Variants in GAREM1 observed in about 807,000 individuals in gnomAD.
The protein encoded by GAREM1 is GRB2-associated and regulator of MAPK protein 1.
Under a neutral mutation model 71.3 loss-of-function variants are expected in GAREM1, and 26 were observed. The observed-to-expected ratio is 0.36, with a 90% confidence interval of 0.27 to 0.51. The LOEUF (loss-of-function observed/expected upper bound fraction) is 0.51, where lower values mean the gene tolerates loss of function less well. GAREM1 is among the 20% of genes least tolerant of loss of function. The probability of loss-of-function intolerance (pLI) is 0.95; values close to 1 mark genes in which losing one functional copy is unlikely to be tolerated. For missense variants in GAREM1, 1,026 were observed against 1,103.1 expected, an observed-to-expected ratio of 0.93 and a Z score of 0.99; for synonymous variants, 440 against 433.2, an observed-to-expected ratio of 1.02 and a Z score of -0.20.
intron 3 of GAREM1, among the ~76,000 whole-genome samples, chr18:32,304,345 AAAAG>A (rs1183292164): frequency 2.6e-5 from 4 of 152,122 alleles, no homozygotes; most frequent in Non-Finnish European, 4.4e-5. Context: ...AAATAAAAGA[AAAAG>A]AAAGAGTAAG....
At chr18:32,311,776 A>AC (rs2047326987) in intron 2 of GAREM1, among the ~76,000 whole-genome samples, 1 of 152,194 alleles carries the variant, frequency 6.6e-6, no homozygotes, top group Non-Finnish European at 1.5e-5. Context: ...AGGTGGTCAG[A>AC]CTGTATATGC....
chr18:32,398,849 G>A (rs969350529), intron 1 of GAREM1, among the ~76,000 whole-genome samples: 1 of 152,106 alleles, frequency 6.6e-6, no homozygotes, highest in African/African-American at 2.4e-5. Flanking sequence ...CCAAAGCCTG[G>A]CAGAGACACA....
At chr18:32,361,923 AGT>A (rs1202876800) in intron 2 of GAREM1, among the ~76,000 whole-genome samples, 1 of 152,162 alleles carries the variant, frequency 6.6e-6, no homozygotes, top group Non-Finnish European at 1.5e-5. Context: ...TCTTTACATG[AGT>A]GTGTATTTCC....
chr18:32,299,906 A>G (rs1449151144), intron 3 of GAREM1, among the ~76,000 whole-genome samples: 1 of 152,206 alleles, frequency 6.6e-6, no homozygotes, highest in Non-Finnish European at 1.5e-5. Context: ...AAGTTTTAAA[A>G]AATTTATATT....
intron 1 of GAREM1, among the ~76,000 whole-genome samples, chr18:32,428,387 G>A (rs192244136): frequency 6.6e-6 from 1 of 152,106 alleles, no homozygotes; most frequent in East Asian, 1.9e-4. Context: ...GGGCCTGGTG[G>A]GAGGTGACTG....
chr18:32,270,173 G>A (rs1245647766), intron 5 of GAREM1, 44 bp downstream of exon 5: 1 of 1,596,848 alleles, frequency 6.3e-7, no homozygotes, highest in Non-Finnish European at 8.6e-7. Context: ...TGAACTGGTG[G>A]ATGAGAAGAT....
Position 32,470,238 on chromosome 18 carries a change from C to A in GAREM1, c.121+70G>T. On this transcript the variant is annotated intron_variant, in intron 1 of 5. Coordinates refer to ENST00000269209, the MANE Select transcript of GAREM1 (RefSeq NM_001242409.2). The surrounding 1 kb of genome is among the most constrained non-coding windows in gnomAD (Gnocchi z 4.4). Reference sequence around the variant, plus strand: ...TCCCCGCGGGTCCCACCCTCTCCAGCACACGCGCGCACACCCGCGTGGAGA... The same window carrying A: ...TCCCCGCGGGTCCCACCCTCTCCAGAACACGCGCGCACACCCGCGTGGAGA... The A allele has an allele frequency of 7.3e-7, 1 of 1,363,874 alleles. No homozygotes were observed. Among genetic ancestry groups the A allele is most frequent in the South Asian group, 1.7e-5 (1 of 60,590 alleles). The allele number at this position is 1,363,874 out of a possible 1,614,324, so 84.5% of individuals were successfully genotyped here.
chr18:32,394,063 A>G (rs1331422793), intron 1 of GAREM1, among the ~76,000 whole-genome samples: 1 of 152,206 alleles, frequency 6.6e-6, no homozygotes, highest in Non-Finnish European at 1.5e-5. Context: ...CAACTTGGCT[A>G]TCCCAACCTA....
At chr18:32,456,069 C>CA (rs1307524786) in intron 1 of GAREM1, among the ~76,000 whole-genome samples, 1 of 152,088 alleles carries the variant, frequency 6.6e-6, no homozygotes, top group Non-Finnish European at 1.5e-5. Context: ...ACTACATGTA[C>CA]AATCTAGGTG....
chr18:32,323,221 G>A (rs2047446414), intron 2 of GAREM1, among the ~76,000 whole-genome samples: 1 of 152,140 alleles, frequency 6.6e-6, no homozygotes, highest in Admixed American at 6.5e-5. Context: ...AAGAGAGTCG[G>A]GCATAGGTGT....
At chr18:32,366,608 C>A (rs934924048) in intron 2 of GAREM1, among the ~76,000 whole-genome samples, 18 of 152,198 alleles carry the variant, frequency 1.2e-4, no homozygotes, top group African/African-American at 4.3e-4. Flanking sequence ...TGCAACAATG[C>A]ACTTTTAATT....
chr18:32,463,367 A>G lies in GAREM1; in HGVS notation c.121+6941T>C, dbSNP rs190731420. On this transcript the variant is annotated intron_variant, in intron 1 of 5. Transcript: ENST00000269209. ...ACTTTCAAAACAGCCATCTTACTTGAAAAAAAAGACACTGGAAGAGCTATC... is the reference window on the plus strand; with the variant it reads ...ACTTTCAAAACAGCCATCTTACTTGGAAAAAAAGACACTGGAAGAGCTATC... Among the ~76,000 whole-genome samples, 157 of 151,786 alleles carry G rather than the reference A, an allele frequency of 1.0e-3. 1 individual carries two copies. The highest frequency in any genetic ancestry group is 4.4e-3 in the Admixed American group (67 of 15,238).
At chr18:32,321,597 T>C (rs1567963700) in intron 2 of GAREM1, among the ~76,000 whole-genome samples, 2 of 152,194 alleles carry the variant, frequency 1.3e-5, no homozygotes, top group East Asian at 1.9e-4. Context: ...TATCAAAATA[T>C]GCAAAACTAA....
intron 1 of GAREM1, among the ~76,000 whole-genome samples, chr18:32,456,169 A>G (rs1276974034): frequency 6.6e-6 from 1 of 152,178 alleles, no homozygotes; most frequent in Non-Finnish European, 1.5e-5. Context: ...AAAAATGTAG[A>G]TTAGGTCAAT....
chr18:32,335,952 C>A (rs1343160255), intron 2 of GAREM1, among the ~76,000 whole-genome samples: 1 of 152,162 alleles, frequency 6.6e-6, no homozygotes, highest in Non-Finnish European at 1.5e-5. Context: ...ACGGAGTGCA[C>A]TGTAAGCAGC....
At chr18:32,343,933 T>C (rs1024300091) in intron 2 of GAREM1, among the ~76,000 whole-genome samples, 1 of 152,084 alleles carries the variant, frequency 6.6e-6, no homozygotes, top group Non-Finnish European at 1.5e-5. Flanking sequence ...AGGCTGCTCC[T>C]TTCCCCCACA....
intron 3 of GAREM1, among the ~76,000 whole-genome samples, chr18:32,297,386 G>A (rs976443122): frequency 7.9e-5 from 12 of 152,204 alleles, no homozygotes; most frequent in Non-Finnish European, 1.5e-4. Flanking sequence ...CTAAGTGAAC[G>A]TATGTAAACA....
chr18:32,370,760 T>C (rs899742359), intron 2 of GAREM1, among the ~76,000 whole-genome samples: 3 of 152,126 alleles, frequency 2.0e-5, no homozygotes, highest in Non-Finnish European at 4.4e-5. Context: ...TTACAATTTT[T>C]ATATATATAC....
intron 2 of GAREM1, among the ~76,000 whole-genome samples, chr18:32,333,903 T>C (rs544065049): frequency 6.6e-6 from 1 of 152,244 alleles, no homozygotes; most frequent in South Asian, 2.1e-4. Context: ...CACAGGCCGG[T>C]GTGCGGTCCG....
Sources: allele counts gnomAD v4.1 joint callset (sites outside exome capture counted in the v4.1 genomes callset), GRCh38; gene constraint gnomAD v4.1.1; non-coding constraint Gnocchi (gnomAD v3.1); transcripts MANE v1.5; gene names NCBI Gene and HGNC (gene_info 2026-07-23, HGNC 2026-07-21).